The following COQ8A variants were observed in gnomAD, a reference collection of about 807,000 sequenced individuals.
COQ8A encodes the protein atypical kinase COQ8A, mitochondrial.
Under a neutral mutation model 65.0 loss-of-function variants are expected in COQ8A, and 51 were observed. That is an observed-to-expected ratio of 0.78 (90% CI 0.63 to 0.99). The LOEUF is 0.99. Ranked by LOEUF, COQ8A falls within the 50% of genes least tolerant of loss-of-function variation. The pLI is 0.00. For missense variants in COQ8A, 940 were observed against 875.0 expected (o/e 1.07, Z -0.94); for synonymous variants, 371 against 353.2 (o/e 1.05, Z -0.57).
At chr1:226,962,061 TG>T (rs1658286306) in intron 2 of COQ8A, among the ~76,000 whole-genome samples, 1 of 152,194 alleles carries the variant, frequency 6.6e-6, no homozygotes, top group Non-Finnish European at 1.5e-5. Context: ...GTGTGCACTT[TG>T]GAGACACACA....
At chr1:226,982,301 A>T in intron 6 of COQ8A, 152 bp downstream of exon 6, 2 of 1,217,350 alleles carry the variant, frequency 1.6e-6, no homozygotes, top group Non-Finnish European at 2.3e-6. Context: ...CCTGGTCTCC[A>T]GACGGGTGGC....
Position 226,985,248 on chromosome 1 carries a change from C to T in COQ8A, c.1573-6C>T, listed in dbSNP as rs183119055. On this transcript the variant is annotated splice_polypyrimidine_tract_variant and splice_region_variant and intron_variant, in intron 13 of 14. Coordinates refer to ENST00000366777, the MANE Select transcript of COQ8A (RefSeq NM_020247.5). ...GCCCACGGTCCCCTCCTGTGCCTCTCCCCAGATCATCAGGGCTGCTGCCGA... is the reference window on the plus strand; with the variant it reads ...GCCCACGGTCCCCTCCTGTGCCTCTTCCCAGATCATCAGGGCTGCTGCCGA... 2 of 1,613,260 alleles carry T rather than the reference C, an allele frequency of 1.2e-6. No homozygotes were observed. Among genetic ancestry groups the T allele is most frequent in the East Asian group, 4.5e-5 (2 of 44,872 alleles).
intron 5 of COQ8A, among the ~76,000 whole-genome samples, chr1:226,980,810 G>T (rs1459712450): frequency 1.3e-5 from 2 of 152,210 alleles, no homozygotes; most frequent in African/African-American, 4.8e-5. Context: ...CTTCTCCGAG[G>T]CTCCTCTTCC....
At chr1:226,944,355 A>G (rs1656869198) in intron 1 of COQ8A, among the ~76,000 whole-genome samples, 1 of 152,068 alleles carries the variant, frequency 6.6e-6, no homozygotes, top group African/African-American at 2.4e-5. Context: ...TGGGAGGTTT[A>G]TTTAAATGTT....
rs1464006237 is a variant in COQ8A at position 226,965,333 on chromosome 1, G to C, written c.511G>C (p.Gly171Arg). The change falls in exon 3 of 15, where the codon GGG becomes CGG. Residue 171 changes from glycine (G) to arginine (R), a missense_variant. By Grantham distance (125) the Gly-to-Arg change is moderately radical (BLOSUM62 -2). Coordinates refer to ENST00000366777, the MANE Select transcript of COQ8A (RefSeq NM_020247.5). ...CTTCCACCAGGACCAATCCCCTGTT[G>C]GGGGCCTCACAGCCGAGGACATTGA... ...RFFHQDQSPV[G>R]GLTAEDIEKA... 3.7e-6 allele frequency: 6 copies of C among 1,613,386 alleles called. No individual in the cohort carries two copies. The Admixed American group carries it at 6.7e-5, about 18-fold the overall frequency.
chr1:226,981,019 G>A (rs556742492), intron 5 of COQ8A, among the ~76,000 whole-genome samples: 2 of 152,384 alleles, frequency 1.3e-5, no homozygotes, highest in South Asian at 4.1e-4. Context: ...GTGCTGTGGG[G>A]GCCAGAGAGG....
Position 226,986,841 on chromosome 1 carries a change from C to T in COQ8A, c.*104C>T. 1.4e-6 allele frequency: 2 copies of T among 1,424,748 alleles called. No individual in the cohort carries two copies. Among genetic ancestry groups the T allele is most frequent in the Non-Finnish European group, 1.9e-6 (2 of 1,049,360 alleles). 88.3% of individuals were successfully genotyped at this position (1,424,748 alleles called of 1,614,324 possible). A position where few individuals can be genotyped will look rare whatever the true frequency, so the allele number is the denominator to read the frequency against. On this transcript the variant is annotated 3_prime_UTR_variant, in exon 15 of 15. Transcript: ENST00000366777. The stretch of plus-strand genomic sequence containing the variant: ...TGATGCTCTTTTTAACTCCTTTGCC[C>T]AATAAGGGGGGTGGCTGCCTGGAGC...
Position 226,984,650 on chromosome 1 carries a change from C to T in COQ8A, c.1501C>T (p.His501Tyr), listed in dbSNP as rs968699924. Reference sequence around the variant, plus strand: ...CAACTTCTTCTATGACCCCCAGCAGCACAAGGTGAGCCCCAGGGTGGGGGC... The same window carrying T: ...CAACTTCTTCTATGACCCCCAGCAGTACAAGGTGAGCCCCAGGGTGGGGGC... The part of the protein sequence containing the change: ...WSNFFYDPQQ[H>Y]KVALLDFGAT... Residue 501 changes from histidine to tyrosine, a missense_variant, in exon 12 of 15, where the codon CAC (histidine) becomes TAC (tyrosine). By Grantham distance (83) the His-to-Tyr change is moderately conservative. Transcript: ENST00000366777. 6.2e-7 allele frequency: 1 copy of T among 1,613,872 alleles called. No homozygotes were observed. The highest frequency in any genetic ancestry group is 1.3e-5 in the African/African-American group (1 of 75,048).
intron 1 of COQ8A, among the ~76,000 whole-genome samples, chr1:226,957,741 A>G (rs975384519): frequency 3.9e-5 from 6 of 152,134 alleles, no homozygotes; most frequent in Admixed American, 6.5e-5. Context: ...TCCTATTGAT[A>G]TATCTTCTTG....
intron 5 of COQ8A, among the ~76,000 whole-genome samples, chr1:226,979,060 G>A (rs1377528779): frequency 6.6e-6 from 1 of 152,206 alleles, no homozygotes; most frequent in African/African-American, 2.4e-5. Flanking sequence ...GACAGGCGAG[G>A]TGTGCAGGCA....
rs974920069 is a variant in COQ8A, at chr1:226,949,674, C to G, written c.-10+9275C>G. On this transcript the variant is annotated intron_variant, in intron 1 of 14. Coordinates refer to ENST00000366777, the MANE Select transcript of COQ8A (RefSeq NM_020247.5). The surrounding 1 kb of genome is among the most constrained non-coding windows in gnomAD (Gnocchi z 4.0). ...CCTGGCAGGAACAACTGCGGGTTAT[C>G]CAGACTGATCCCATTCACCCTAACC... 6.6e-6 allele frequency among the ~76,000 whole-genome samples: 1 copy of G among 152,198 alleles called. No homozygotes were observed. The highest frequency in any genetic ancestry group is 2.4e-5 in the African/African-American group (1 of 41,438).
In COQ8A at chr1:226,984,187, C is replaced by T. The variant is rs1659922669; in HGVS notation, c.1350C>T (p.Gly450=). The T allele has an allele frequency of 6.2e-7, 1 of 1,613,846 alleles. No individual in the cohort carries two copies. Among genetic ancestry groups the T allele is most frequent in the Non-Finnish European group, 8.5e-7 (1 of 1,180,004 alleles). ...TGCTGACCACAGAGCTGGTGTCTGGCTTCCCCCTGGACCAGGCCGAAGGGC... is the reference window on the plus strand; with the variant it reads ...TGCTGACCACAGAGCTGGTGTCTGGTTTCCCCCTGGACCAGGCCGAAGGGC... ...PHVLTTELVS[G]FPLDQAEGLS... is the part of the protein sequence containing the mutation. Residue 450 remains glycine (G), a synonymous_variant, in exon 11 of 15, where the codon GGC becomes GGT. Transcript: ENST00000366777.
intron 5 of COQ8A, among the ~76,000 whole-genome samples, chr1:226,980,287 C>T (rs80245510): frequency 0.02 from 3,116 of 152,360 alleles, 119 homozygotes; most frequent in African/African-American, 0.071. Context: ...GGGGGACATA[C>T]CTCCAGCCTG....
intron 7 of COQ8A, 51 bp from the exon 8 acceptor site, chr1:226,982,843 G>A (rs754100811): frequency 5.0e-6 from 8 of 1,612,372 alleles, no homozygotes; most frequent in South Asian, 1.1e-5. Flanking sequence ...GGCTTCTCCC[G>A]GTGGCCCAGG....
At chr1:226,978,373 A>T (rs1280119611) in intron 5 of COQ8A, among the ~76,000 whole-genome samples, 1 of 87,702 alleles carries the variant, frequency 1.1e-5, no homozygotes, top group African/African-American at 4.6e-5. Context: ...ACCTCCTTAC[A>T]CACCCTCCAC....
rs1475457022 is a variant in COQ8A, at chr1:226,972,271, A to G, written c.656-5178A>G. Among the ~76,000 whole-genome samples the G allele has an allele frequency of 6.6e-6, 1 of 152,274 alleles. No individual in the cohort carries two copies. Among genetic ancestry groups the G allele is most frequent in the East Asian group, 1.9e-4 (1 of 5,184 alleles). On this transcript the variant is annotated intron_variant, in intron 4 of 14. Transcript: ENST00000366777. This position sits in a 1 kb window ranked among gnomAD's most constrained non-coding sequence, Gnocchi z 4.3. Reference sequence around the variant, plus strand: ...ATTAAGGCAGAAGGGGAGAGAGGAAAAGGGGAGAGAGGAAGACAGGAAACA... The same window carrying G: ...ATTAAGGCAGAAGGGGAGAGAGGAAGAGGGGAGAGAGGAAGACAGGAAACA...
At position 226,960,650 on chromosome 1, in the gene COQ8A, T is replaced by TTGG. The variant is rs138315449; in HGVS notation, c.-9-713_-9-711dup. ...GTGGTGGTGGTGGTGGTAGTGGTGC[T>TTGG]TGGTGGTGGTGGTGGTTGTTCATTT... On this transcript the variant is annotated intron_variant, in intron 1 of 14. Coordinates refer to ENST00000366777, the MANE Select transcript of COQ8A (RefSeq NM_020247.5). 2.4e-3 allele frequency among the ~76,000 whole-genome samples: 356 copies of TTGG among 148,910 alleles called. 8 individuals are homozygous for TTGG. In the East Asian group the frequency reaches 0.046, roughly 19 times the overall value.
At chr1:226,940,459 C>G (rs930153582) in intron 1 of COQ8A, 60 bp downstream of exon 1, 5 of 152,312 alleles carry the variant, frequency 3.3e-5, no homozygotes, top group Admixed American at 1.3e-4. Context: ...GCGGCCAGAG[C>G]TGGGGTCAAC....
intron 1 of COQ8A, among the ~76,000 whole-genome samples, chr1:226,947,901 G>C (rs1471016456): frequency 6.6e-6 from 1 of 152,192 alleles, no homozygotes; most frequent in Non-Finnish European, 1.5e-5. Flanking sequence ...GCACTGAGCT[G>C]TCTGTGGGGT....
Sources: allele counts gnomAD v4.1 joint callset (sites outside exome capture counted in the v4.1 genomes callset), GRCh38; gene constraint gnomAD v4.1.1; non-coding constraint Gnocchi (gnomAD v3.1); transcripts MANE v1.5; gene names NCBI Gene and HGNC (gene_info 2026-07-23, HGNC 2026-07-21).